The following ZNF655 variants were observed in gnomAD, a reference collection of about 807,000 sequenced individuals.
ZNF655 encodes the protein zinc finger protein 655.
A neutral mutation model predicts 6.6 loss-of-function variants in ZNF655; 3 were observed. The observed-to-expected ratio is 0.46, with a 90% CI of 0.21 to 1.18. The LOEUF (loss-of-function observed/expected upper bound fraction) is 1.18. Ranked by LOEUF, ZNF655 falls within the 50% of genes most tolerant of loss-of-function variation. The pLI is 0.24. For missense variants in ZNF655, 526 were observed against 572.3 expected (o/e 0.92, Z 0.83); for synonymous variants, 178 against 195.0 (o/e 0.91, Z 0.73).
At chr7:99,565,760 G>A (rs1257178324) in intron 2 of ZNF655, among the ~76,000 whole-genome samples, 3 of 152,168 alleles carry the variant, frequency 2.0e-5, no homozygotes, top group African/African-American at 4.8e-5. Context: ...TGCCCTATTA[G>A]ATGATGGCCT....
chr7:99,561,713 T>G (rs574937294), intron 2 of ZNF655, among the ~76,000 whole-genome samples: 4 of 152,364 alleles, frequency 2.6e-5, no homozygotes, highest in Non-Finnish European at 5.9e-5. Context: ...GCATAAGGCA[T>G]GCAAGTACTG....
At chr7:99,563,742 G>A (rs894716673) in intron 2 of ZNF655, 4 of 1,114,724 alleles carry the variant, frequency 3.6e-6, no homozygotes, top group Non-Finnish European at 3.8e-6. Context: ...GGCATCCAGG[G>A]CATTGCTTTG....
At position 99,574,895 on chromosome 7, in the gene ZNF655, C is replaced by T. The variant is rs1449343200; in HGVS notation, c.*1311C>T. The T allele has an allele frequency of 6.6e-6, 1 of 152,154 alleles. No homozygotes were observed. The highest frequency in any genetic ancestry group is 1.5e-5 in the Non-Finnish European group (1 of 68,034). 9.4% of individuals were successfully genotyped at this position (152,154 alleles called of 1,614,324 possible). ...TGTTTCACCAGCAAGTATTCCATAC[C>T]TACTTGATGTTGCTGGTCTGGTGTC... is the stretch of plus-strand genomic sequence containing the variant. On this transcript the variant is annotated 3_prime_UTR_variant, in exon 3 of 3. Transcript: ENST00000252713.
chr7:99,561,952 G>A lies in ZNF655; in HGVS notation c.136+1257G>A, dbSNP rs372349358. The A allele has an allele frequency of 3.7e-5, 59 of 1,593,902 alleles. 1 individual carries two copies. Among genetic ancestry groups the A allele is most frequent in the Non-Finnish European group, 4.8e-5 (56 of 1,170,462 alleles). On this transcript the variant is annotated intron_variant, in intron 2 of 2. Transcript: ENST00000252713. The stretch of plus-strand genomic sequence containing the variant: ...GAAGCCCAGGAGACCAGGCAGCTGC[G>A]CTCTTGACAGCCAGGTACCAGGTGA...
At chr7:99,570,648 CA>C (rs1803974953) in intron 2 of ZNF655, 1 of 152,062 alleles carries the variant, frequency 6.6e-6, no homozygotes, top group South Asian at 2.1e-4. Context: ...GTATGAATGA[CA>C]ATACCTGAAA....
At chr7:99,566,096 C>T (rs1034119735) in intron 2 of ZNF655, among the ~76,000 whole-genome samples, 1 of 150,834 alleles carries the variant, frequency 6.6e-6, no homozygotes, top group Non-Finnish European at 1.5e-5. Flanking sequence ...TTACCATAAC[C>T]CTGTGAGCAG....
In ZNF655 at chr7:99,573,058, A is replaced by G. The variant is rs768280968; in HGVS notation, c.950A>G (p.His317Arg). 4.3e-6 allele frequency: 7 copies of G among 1,614,046 alleles called. No homozygotes were observed. Among genetic ancestry groups the G allele is most frequent in the Admixed American group, 3.3e-5 (2 of 60,006 alleles). The part of the protein sequence containing the change: ...SCERVFSRSV[H>R]LTQHQKIHKE... ...GAAAGAGTCTTCAGTCGTAGTGTCC[A>G]CCTTACTCAACATCAGAAAATTCAC... Residue 317 changes from histidine to arginine, a missense_variant, in exon 3 of 3, where the codon CAC becomes CGC. Coordinates refer to ENST00000252713, the MANE Select transcript of ZNF655 (RefSeq NM_138494.3).
chr7:99,566,021 ATGTGTG>A (rs34698828), intron 2 of ZNF655, among the ~76,000 whole-genome samples: 4 of 149,864 alleles, frequency 2.7e-5, no homozygotes, highest in Admixed American at 6.7e-5. Flanking sequence ...GGACATTTAT[ATGTGTG>A]TGTGTGTGTG....
chr7:99,561,988 C>T, intron 2 of ZNF655: 1 of 1,562,554 alleles, frequency 6.4e-7, no homozygotes, highest in Non-Finnish European at 8.7e-7. Context: ...GCTGAGGAAC[C>T]CTCTGCTTTT....
chr7:99,561,404 G>A (rs1803151327), intron 2 of ZNF655, among the ~76,000 whole-genome samples: 1 of 152,128 alleles, frequency 6.6e-6, no homozygotes, highest in South Asian at 2.1e-4. Context: ...TGGGACTGTG[G>A]AAAAGATTTC....
chr7:99,567,996 T>C (rs959477745), intron 2 of ZNF655, among the ~76,000 whole-genome samples: 2 of 148,644 alleles, frequency 1.3e-5, no homozygotes, highest in Non-Finnish European at 3.0e-5. Flanking sequence ...GAGGTGGAGG[T>C]TGCAGTGAGC....
At chr7:99,563,131 C>T (rs867660298) in intron 2 of ZNF655, 2 of 448,084 alleles carry the variant, frequency 4.5e-6, no homozygotes, top group African/African-American at 4.0e-5. Flanking sequence ...AGATGTTTAC[C>T]CCATGCTGAG....
At position 99,574,753 on chromosome 7, in the gene ZNF655, C is replaced by T. The variant is rs1478403901; in HGVS notation, c.*1169C>T. 1 of 152,192 alleles carries T rather than the reference C, an allele frequency of 6.6e-6. No individual in the cohort carries two copies. The highest frequency in any genetic ancestry group is 2.4e-5 in the African/African-American group (1 of 41,448). The allele number at this position is 152,192 out of a possible 1,614,324, so 9.4% of individuals were successfully genotyped here. On this transcript the variant is annotated 3_prime_UTR_variant, in exon 3 of 3. Transcript: ENST00000252713. ...TCCAAAACCAACTCTTAGGCCTGCT[C>T]TTTACTAGGGATCTTATGTCGTATT...
chr7:99,565,369 C>T (rs1289142212), intron 2 of ZNF655, among the ~76,000 whole-genome samples: 1 of 152,084 alleles, frequency 6.6e-6, no homozygotes, highest in African/African-American at 2.4e-5. Flanking sequence ...TGGGGTTTTG[C>T]CATCTTAGCC....
At chr7:99,564,187 GAT>G (rs1477913683) in intron 2 of ZNF655, 52 of 1,404,544 alleles carry the variant, frequency 3.7e-5, no homozygotes, top group Non-Finnish European at 4.4e-5. Flanking sequence ...GTTGCAACCA[GAT>G]ATGTTTTGAA....
chr7:99,562,067 T>C (rs1803229644), intron 2 of ZNF655: 2 of 1,161,550 alleles, frequency 1.7e-6, no homozygotes, highest in Admixed American at 3.4e-5. Context: ...TTGCCTGGAA[T>C]TTTTTTCAAT....
rs1288167606 is a variant in ZNF655, at chr7:99,572,264, GAAC to G, written c.159_161del (p.Asn53del). 6.2e-7 allele frequency: 1 copy of G among 1,606,888 alleles called. No individual in the cohort carries two copies. The highest frequency in any genetic ancestry group is 8.5e-7 in the Non-Finnish European group (1 of 1,177,428). ...TATCAGATGGAGAGACCAGAGAAGA[GAAC>G]AAGCTGTTGATTCCTAAGCAGAAAA... On this transcript the variant is annotated inframe_deletion, in exon 3 of 3. Coordinates refer to ENST00000252713, the MANE Select transcript of ZNF655 (RefSeq NM_138494.3).
chr7:99,575,051 A>G lies in ZNF655; in HGVS notation c.*1467A>G, dbSNP rs531055940. The G allele has an allele frequency of 6.6e-6, 1 of 152,648 alleles. No individual in the cohort carries two copies. Among genetic ancestry groups the G allele is most frequent in the Admixed American group, 6.5e-5 (1 of 15,276 alleles). 9.5% of individuals were successfully genotyped at this position (152,648 alleles called of 1,614,324 possible). ...AGCCAAACATTTTCAAATGATGCCC[A>G]AGGTTTTAGCTGTCTTGTGTGCATC... On this transcript the variant is annotated 3_prime_UTR_variant, in exon 3 of 3. Coordinates refer to ENST00000252713, the MANE Select transcript of ZNF655 (RefSeq NM_138494.3).
Position 99,572,304 on chromosome 7 carries a change from G to A in ZNF655, c.196G>A (p.Val66Met), listed in dbSNP as rs749919552. The stretch of plus-strand genomic sequence containing the variant: ...TCCTAAGCAGAAAATTTCGGAAGAA[G>A]TGCATTCATACAAAGTGAGAGTAGG... ...LIPKQKISEE[V>M]HSYKVRVGRL... Residue 66 changes from valine (V) to methionine (M), a missense_variant, in exon 3 of 3, where the codon GTG becomes ATG. Physicochemically the swap from Val to Met is conservative, Grantham distance 21. Coordinates refer to ENST00000252713, the MANE Select transcript of ZNF655 (RefSeq NM_138494.3). The A allele has an allele frequency of 6.2e-7, 1 of 1,612,626 alleles. No homozygotes were observed. Among genetic ancestry groups the A allele is most frequent in the African/African-American group, 1.3e-5 (1 of 74,884 alleles).
Sources: gnomAD v4.1 joint callset for allele counts (sites outside exome capture counted in the v4.1 genomes callset) on GRCh38, gnomAD v4.1.1 for gene constraint, MANE v1.5 for transcripts, NCBI Gene and HGNC (gene_info 2026-07-23, HGNC 2026-07-21) for gene names.